The following DNAJC3 variants were observed in gnomAD, a reference collection of about 807,000 sequenced individuals.
DNAJC3 encodes DnaJ heat shock protein family (Hsp40) member C3.
Under a neutral mutation model 68.6 loss-of-function variants are expected in DNAJC3, and 38 were observed. The ratio of observed to expected loss-of-function variants is 0.55; its 90% CI spans 0.43 to 0.73. DNAJC3 has a LOEUF of 0.73. Ranked by LOEUF, DNAJC3 falls within the 30% of genes least tolerant of loss-of-function variation. The pLI is 0.00. For missense variants in DNAJC3, 526 were observed against 591.9 expected (o/e 0.89, Z 1.16); for synonymous variants, 203 against 204.0 (o/e 1.00, Z 0.04).
At chr13:95,677,995 A>G (rs1297064667) in intron 1 of DNAJC3, among the ~76,000 whole-genome samples, 1 of 152,182 alleles carries the variant, frequency 6.6e-6, no homozygotes, top group African/African-American at 2.4e-5. Flanking sequence ...TATGGCTGGC[A>G]TTACTTTTCC....
At chr13:95,757,370 C>G (rs1490736293) in intron 4 of DNAJC3, among the ~76,000 whole-genome samples, 4 of 152,136 alleles carry the variant, frequency 2.6e-5, no homozygotes, top group Non-Finnish European at 5.9e-5. Flanking sequence ...CTTCTCTGTC[C>G]TTTCACGTGC....
intron 4 of DNAJC3, chr13:95,742,538 G>A (rs1281222994): frequency 1.9e-5 from 8 of 428,448 alleles, no homozygotes; most frequent in Non-Finnish European, 3.6e-5. Flanking sequence ...GACTGCTGGG[G>A]GTCACTTACT....
intron 11 of DNAJC3, among the ~76,000 whole-genome samples, chr13:95,788,979 C>T (rs1490294593): frequency 6.6e-6 from 1 of 152,184 alleles, no homozygotes; most frequent in Non-Finnish European, 1.5e-5. Context: ...AAATATGTGG[C>T]TTCAGATTAA....
At chr13:95,713,896 G>C (rs1327514722) in intron 2 of DNAJC3, among the ~76,000 whole-genome samples, 5 of 152,166 alleles carry the variant, frequency 3.3e-5, no homozygotes, top group African/African-American at 4.8e-5. Context: ...CCTGCAAAGA[G>C]GACACTTACA....
chr13:95,764,645 CATATATATATATATATATATAT>C lies in DNAJC3; in HGVS notation c.1075+710_1075+731del, dbSNP rs755441205. On this transcript the variant is annotated intron_variant, in intron 9 of 11. Transcript: ENST00000602402. ...TATACAGTTTTTGAAAAATAGAATC[CATATATATATATATATATATAT>C]ATATATATATATATATACACACACA... Among the ~76,000 whole-genome samples the C allele has an allele frequency of 9.2e-3, 520 of 56,522 alleles. 12 individuals are homozygous for C. The highest frequency in any genetic ancestry group is 0.013 in the Non-Finnish European group (400 of 30,502). The allele number at this position is 56,522 out of a possible 152,430, so 37.1% of individuals were successfully genotyped here.
chr13:95,770,041 T>G (rs1183436220), intron 9 of DNAJC3, among the ~76,000 whole-genome samples: 5 of 152,226 alleles, frequency 3.3e-5, no homozygotes, highest in Non-Finnish European at 5.9e-5. Flanking sequence ...AGAAGGTCAC[T>G]GCAGGTGCAT....
In DNAJC3 at chr13:95,723,373, A is replaced by T. The variant is rs373391560; in HGVS notation, c.318+7A>T. ...GAAGATGGACTTCACTGCAGTAAGT[A>T]TATCTCAACTTTCTTTAAAGGGGAA... On this transcript the variant is annotated splice_region_variant and intron_variant, in intron 3 of 11. Transcript: ENST00000602402. 6.2e-7 allele frequency: 1 copy of T among 1,603,360 alleles called. No homozygotes were observed. The highest frequency in any genetic ancestry group is 8.5e-7 in the Non-Finnish European group (1 of 1,174,688).
At chr13:95,779,371 A>G (rs559782416) in intron 9 of DNAJC3, among the ~76,000 whole-genome samples, 9 of 152,080 alleles carry the variant, frequency 5.9e-5, no homozygotes, top group Non-Finnish European at 7.4e-5. Flanking sequence ...TGATCTGCCC[A>G]CTGCGGCCTC....
intron 1 of DNAJC3, among the ~76,000 whole-genome samples, chr13:95,705,520 CT>C (rs1174965850): frequency 2.6e-3 from 362 of 141,780 alleles, no homozygotes; most frequent in Middle Eastern, 3.6e-3. Context: ...CTCTCTCTCT[CT>C]TTTTTTTTTT....
chr13:95,770,798 T>C (rs1883135068), intron 9 of DNAJC3, among the ~76,000 whole-genome samples: 1 of 152,236 alleles, frequency 6.6e-6, no homozygotes, highest in Non-Finnish European at 1.5e-5. Context: ...TCTGGGCTCA[T>C]AACGAGGCTG....
intron 1 of DNAJC3, among the ~76,000 whole-genome samples, chr13:95,691,717 A>C (rs2139606053): frequency 6.6e-6 from 1 of 152,202 alleles, no homozygotes; most frequent in East Asian, 1.9e-4. Flanking sequence ...TGGGAGGTGG[A>C]GGTTGTAGCG....
At chr13:95,722,927 C>G (rs1475797964) in intron 2 of DNAJC3, among the ~76,000 whole-genome samples, 1 of 148,746 alleles carries the variant, frequency 6.7e-6, no homozygotes, top group Non-Finnish European at 1.5e-5. Flanking sequence ...CAAGTAGTTT[C>G]GGCTTTGCGG....
chr13:95,718,693 G>T (rs1881228647), intron 2 of DNAJC3, among the ~76,000 whole-genome samples: 1 of 152,198 alleles, frequency 6.6e-6, no homozygotes, highest in African/African-American at 2.4e-5. Flanking sequence ...GAGCCACTGT[G>T]CCTAGCCAGA....
chr13:95,723,045 T>C (rs1331164347), intron 2 of DNAJC3, among the ~76,000 whole-genome samples, 197 bp from the exon 3 acceptor site: 2 of 152,062 alleles, frequency 1.3e-5, no homozygotes, highest in Non-Finnish European at 2.9e-5. Flanking sequence ...GCTTGGGCTG[T>C]ACTTTGCTGA....
At chr13:95,697,524 C>T (rs1367204582) in intron 1 of DNAJC3, among the ~76,000 whole-genome samples, 1 of 152,136 alleles carries the variant, frequency 6.6e-6, no homozygotes, top group Admixed American at 6.5e-5. Flanking sequence ...CTTCCAGGTG[C>T]CCTGTGAATT....
At chr13:95,787,993 A>G (rs938540787) in intron 11 of DNAJC3, among the ~76,000 whole-genome samples, 4 of 152,230 alleles carry the variant, frequency 2.6e-5, no homozygotes. Flanking sequence ...AACAAACAAA[A>G]GAGAGGAAAG....
intron 4 of DNAJC3, among the ~76,000 whole-genome samples, chr13:95,734,718 CT>C (rs1881833977): frequency 6.6e-6 from 1 of 150,984 alleles, no homozygotes; most frequent in Non-Finnish European, 1.5e-5. Context: ...CTTTTTCATT[CT>C]TTTTTCTTTA....
chr13:95,763,689 C>T lies in DNAJC3; in HGVS notation c.895C>T (p.Pro299Ser). Residue 299 changes from proline to serine, a missense_variant, in exon 8 of 12, where the codon CCA becomes TCA. Physicochemically the swap from Pro to Ser is moderately conservative, Grantham distance 74. Transcript: ENST00000602402. ...ATATGAATCTGTCATGAAAACAGAG[C>T]CAAGCATTGCTGAATATACAGTTCG... ...SKYESVMKTE[P>S]SIAEYTVRSK... The T allele has an allele frequency of 1.2e-6, 2 of 1,613,962 alleles. No homozygotes were observed. Among genetic ancestry groups the T allele is most frequent in the African/African-American group, 1.3e-5 (1 of 75,046 alleles).
rs896913413 is a variant in DNAJC3, at chr13:95,791,338, A to G, written c.*308A>G. On this transcript the variant is annotated 3_prime_UTR_variant, in exon 12 of 12. Transcript: ENST00000602402. ...CTCACGTATTCTGTATTATTTTTCT[A>G]CACTGGAGCTGAGATTCTTCTCTTC... is the stretch of plus-strand genomic sequence containing the variant. The G allele has an allele frequency of 1.2e-5, 4 of 336,904 alleles. No individual in the cohort carries two copies. The highest frequency in any genetic ancestry group is 2.2e-5 in the Non-Finnish European group (4 of 181,694). The allele number at this position is 336,904 out of a possible 1,614,324, so 20.9% of individuals were successfully genotyped here.
Sources: allele counts gnomAD v4.1 joint callset (sites outside exome capture counted in the v4.1 genomes callset), GRCh38; gene constraint gnomAD v4.1.1; transcripts MANE v1.5; gene names NCBI Gene and HGNC (gene_info 2026-07-23, HGNC 2026-07-21).